Variants in HDAC9 observed in about 807,000 individuals in gnomAD.
HDAC9 encodes the protein histone deacetylase 9.
A neutral mutation model predicts 139.4 loss-of-function variants in HDAC9; 41 were observed. That is an observed-to-expected ratio of 0.29 (90% CI 0.23 to 0.38). HDAC9 has a LOEUF of 0.38. HDAC9 is among the 10% of genes least tolerant of loss of function. HDAC9 has a pLI of 1.00. For synonymous variants in HDAC9, 517 were observed against 476.2 expected, an observed-to-expected ratio of 1.09 and a Z score of -1.12; for missense variants, 1,147 against 1,297.0, an observed-to-expected ratio of 0.88 and a Z score of 1.78.
At chr7:18,956,047 C>T (rs1047576068) in intron 24 of HDAC9, among the ~76,000 whole-genome samples, 3 of 151,978 alleles carry the variant, frequency 2.0e-5, no homozygotes, top group African/African-American at 7.3e-5. Context: ...TTCAAGTGAC[C>T]TCTACAGTCT....
chr7:18,104,732 C>T (rs1187434171), intron 1 of HDAC9, among the ~76,000 whole-genome samples: 2 of 152,052 alleles, frequency 1.3e-5, no homozygotes, highest in Non-Finnish European at 2.9e-5. Context: ...CTATTTAATT[C>T]ACTCCCTCAG....
At chr7:18,913,587 G>A (rs1355337515) in intron 22 of HDAC9, among the ~76,000 whole-genome samples, 2 of 151,992 alleles carry the variant, frequency 1.3e-5, no homozygotes, top group Non-Finnish European at 2.9e-5. Flanking sequence ...ATAAGAGGAC[G>A]CTTATAGCAG....
At chr7:18,413,956 T>G (rs934034793) in intron 1 of HDAC9, among the ~76,000 whole-genome samples, 5 of 152,122 alleles carry the variant, frequency 3.3e-5, no homozygotes, top group Non-Finnish European at 5.9e-5. Context: ...GATAAGAGAT[T>G]TAAGTGAAAG....
chr7:18,401,161 T>C (rs1315022708), intron 1 of HDAC9, among the ~76,000 whole-genome samples: 3 of 152,188 alleles, frequency 2.0e-5, no homozygotes, highest in Non-Finnish European at 4.4e-5. Context: ...TTGGTATTTT[T>C]AATGAAGTGT....
intron 23 of HDAC9, among the ~76,000 whole-genome samples, chr7:18,951,634 A>T (rs902587317): frequency 6.6e-6 from 1 of 151,820 alleles, no homozygotes; most frequent in African/African-American, 2.4e-5. Flanking sequence ...ATTTCCAGTA[A>T]TGCTGATTAA....
intron 2 of HDAC9, among the ~76,000 whole-genome samples, chr7:18,257,749 A>G (rs1562802529): frequency 6.6e-6 from 1 of 152,232 alleles, no homozygotes. Flanking sequence ...CCTTAAAAAC[A>G]TCCTTACAAG....
At chr7:18,599,978 T>TC (rs1833521359) in intron 6 of HDAC9, among the ~76,000 whole-genome samples, 1 of 151,688 alleles carries the variant, frequency 6.6e-6, no homozygotes, top group Admixed American at 6.6e-5. Context: ...TTTTAAGTTT[T>TC]TTTTTTTTAA....
In HDAC9 at chr7:18,397,545, T is replaced by C. The variant is rs75285902; in HGVS notation, c.-41-98717T>C. 5.5e-3 allele frequency among the ~76,000 whole-genome samples: 843 copies of C among 152,308 alleles called. 13 individuals are homozygous for C. The highest frequency in any genetic ancestry group is 0.019 in the African/African-American group (810 of 41,570). On this transcript the variant is annotated intron_variant, in intron 1 of 3. Transcript: ENST00000413509. ...CCTACCTCCTGAGAAAACATTTAGCTTCCCATCCTCCCAGTGTTAGTGGGT... is the reference window on the plus strand; with the variant it reads ...CCTACCTCCTGAGAAAACATTTAGCCTCCCATCCTCCCAGTGTTAGTGGGT...
At chr7:18,644,949 T>G (rs987903482) in intron 9 of HDAC9, among the ~76,000 whole-genome samples, 156 bp downstream of exon 9, 16 of 152,162 alleles carry the variant, frequency 1.1e-4, no homozygotes, top group Non-Finnish European at 2.2e-4. Context: ...TCAAAGACAT[T>G]CAGTCTAATT....
At chr7:18,650,902 G>A (rs1195388890) in intron 11 of HDAC9, among the ~76,000 whole-genome samples, 1 of 152,080 alleles carries the variant, frequency 6.6e-6, no homozygotes, top group East Asian at 1.9e-4. Flanking sequence ...CTCCAAGGAT[G>A]TATTCCATAT....
At chr7:18,731,414 C>T (rs2129132246) in intron 13 of HDAC9, among the ~76,000 whole-genome samples, 1 of 152,212 alleles carries the variant, frequency 6.6e-6, no homozygotes, top group East Asian at 1.9e-4. Flanking sequence ...ACACAAAAGT[C>T]ACATAATTTT....
At chr7:18,396,193 G>A (rs1422400191) in intron 1 of HDAC9, among the ~76,000 whole-genome samples, 1 of 143,416 alleles carries the variant, frequency 7.0e-6, no homozygotes, top group Non-Finnish European at 1.5e-5. Flanking sequence ...TTTACCGAGG[G>A]ACATTGTGTG....
intron 2 of HDAC9, among the ~76,000 whole-genome samples, chr7:18,182,428 A>G (rs1387029862): frequency 1.3e-5 from 2 of 152,210 alleles, no homozygotes; most frequent in Non-Finnish European, 2.9e-5. Flanking sequence ...CCAATATGTG[A>G]TGACTGACGG....
At chr7:18,480,334 T>C (rs1364706570) in intron 1 of HDAC9, among the ~76,000 whole-genome samples, 2 of 152,214 alleles carry the variant, frequency 1.3e-5, no homozygotes. Flanking sequence ...TCTATGTTTT[T>C]TCTCCTAGCA....
At chr7:18,509,010 T>C (rs542586218) in intron 2 of HDAC9, among the ~76,000 whole-genome samples, 3 of 152,300 alleles carry the variant, frequency 2.0e-5, no homozygotes, top group South Asian at 2.1e-4. Context: ...AAAAAATAGT[T>C]GTATAAGGAA....
chr7:18,937,961 A>G (rs1048029633), intron 23 of HDAC9, among the ~76,000 whole-genome samples: 2 of 152,214 alleles, frequency 1.3e-5, no homozygotes, highest in African/African-American at 4.8e-5. Context: ...TCTTTAAGAA[A>G]TGATTATGTT....
chr7:18,567,099 ACATGCC>A (rs1367903401), intron 2 of HDAC9, among the ~76,000 whole-genome samples: 1 of 152,146 alleles, frequency 6.6e-6, no homozygotes, highest in East Asian at 1.9e-4. Flanking sequence ...TGCTCTCCAG[ACATGCC>A]CAGTAGTTTT....
At chr7:18,267,063 G>A (rs1796050599) in intron 2 of HDAC9, among the ~76,000 whole-genome samples, 1 of 152,024 alleles carries the variant, frequency 6.6e-6, no homozygotes, top group Admixed American at 6.6e-5. Context: ...ATTGTGAGGG[G>A]ACCAGTCTAC....
rs1562856317 is a variant in HDAC9 at position 18,303,424 on chromosome 7, T to TG, written c.-42+12909_-42+12910insG. 2.9e-3 allele frequency among the ~76,000 whole-genome samples: 320 copies of TG among 110,628 alleles called. 4 individuals are homozygous for TG. Among genetic ancestry groups the TG allele is most frequent in the African/African-American group, 0.01 (156 of 14,888 alleles). 72.6% of individuals were successfully genotyped at this position (110,628 alleles called of 152,430 possible). A position where few individuals can be genotyped will look rare whatever the true frequency, so the allele number is the denominator to read the frequency against. ...GTGTGTGTGTGTGTGTGTGTGTGTG[T>TG]TTTTAGTAGAGATGGGGTTTCACCG... On this transcript the variant is annotated intron_variant, in intron 1 of 3. Coordinates refer to the HDAC9 transcript ENST00000413509.
Sources: gnomAD v4.1 joint callset for allele counts (sites outside exome capture counted in the v4.1 genomes callset) on GRCh38, gnomAD v4.1.1 for gene constraint, MANE v1.5 for transcripts, NCBI Gene and HGNC (gene_info 2026-07-23, HGNC 2026-07-21) for gene names.